Variants in PKHD1 observed in about 807,000 individuals in gnomAD.
PKHD1 encodes the protein fibrocystin.
A neutral mutation model predicts 412.0 loss-of-function variants in PKHD1; 291 were observed. That is an observed-to-expected ratio of 0.71 (90% CI 0.64 to 0.78). The LOEUF is 0.78. Among genes scored for constraint, PKHD1 ranks in the 30% least tolerant of loss-of-function variants. The pLI is 0.00. For synonymous variants in PKHD1, 1,777 were observed against 1,821.5 expected, an observed-to-expected ratio of 0.98 and a Z score of 0.62; for missense variants, 4,825 against 4,950.7, an observed-to-expected ratio of 0.97 and a Z score of 0.76.
intron 35 of PKHD1, among the ~76,000 whole-genome samples, chr6:52,008,463 T>C (rs567366480): frequency 6.6e-6 from 1 of 152,326 alleles, no homozygotes; most frequent in East Asian, 1.9e-4. Context: ...GTAGAGAACC[T>C]TGAACATGGT....
At chr6:51,778,247 C>T (rs1791390055) in intron 53 of PKHD1, among the ~76,000 whole-genome samples, 1 of 152,108 alleles carries the variant, frequency 6.6e-6, no homozygotes, top group African/African-American at 2.4e-5. Flanking sequence ...CTTTGTAAAG[C>T]TTCTCTAAAC....
Position 52,050,139 on chromosome 6 carries a change from A to G in PKHD1, c.2279+18T>C. 6.2e-7 allele frequency: 1 copy of G among 1,612,880 alleles called. No individual in the cohort carries two copies. On this transcript the variant is annotated intron_variant, in intron 22 of 66. Transcript: ENST00000371117. ...CATTCTTAGGAGAAGGGACAGGTGTAAAAAAGCCACTCCTTACCGTGCAGT... is the reference window on the plus strand; with the variant it reads ...CATTCTTAGGAGAAGGGACAGGTGTGAAAAAGCCACTCCTTACCGTGCAGT...
chr6:51,823,686 G>T (rs1766843381), intron 52 of PKHD1, among the ~76,000 whole-genome samples: 1 of 152,080 alleles, frequency 6.6e-6, no homozygotes, highest in Non-Finnish European at 1.5e-5. Flanking sequence ...CTGTCACAGG[G>T]AAAAATGCAC....
At chr6:52,002,214 T>C (rs1398585676) in intron 35 of PKHD1, among the ~76,000 whole-genome samples, 1 of 152,236 alleles carries the variant, frequency 6.6e-6, no homozygotes, top group Non-Finnish European at 1.5e-5. Flanking sequence ...CCTACTATTA[T>C]ACGTTTATAG....
chr6:51,972,148 G>T (rs1369941150), intron 35 of PKHD1, among the ~76,000 whole-genome samples: 1 of 152,176 alleles, frequency 6.6e-6, no homozygotes, highest in African/African-American at 2.4e-5. Flanking sequence ...TGAGAAAAGA[G>T]GATTTTCTTT....
intron 60 of PKHD1, among the ~76,000 whole-genome samples, chr6:51,697,634 C>T (rs894682250): frequency 3.3e-5 from 5 of 152,218 alleles, no homozygotes; most frequent in Non-Finnish European, 5.9e-5. Flanking sequence ...GCAGACATTG[C>T]CAAATGTCCC....
Position 52,025,387 on chromosome 6 carries a change from T to TC in PKHD1, c.4422dup (p.Asn1475GlufsTer31). 6.2e-7 allele frequency: 1 copy of TC among 1,611,868 alleles called. No homozygotes were observed. The highest frequency in any genetic ancestry group is 8.5e-7 in the Non-Finnish European group (1 of 1,178,374). ...TCTTCCCTTATGAAAAGAGTGCAATTCCCCTGACACTCGCTGGTTAGCCCA... is the reference window on the plus strand; with the variant it reads ...TCTTCCCTTATGAAAAGAGTGCAATTCCCCCTGACACTCGCTGGTTAGCCCA... On this transcript the variant is annotated frameshift_variant, in exon 32 of 67. Transcript: ENST00000371117. LOFTEE classifies it high-confidence loss of function.
chr6:51,893,031 C>T (rs7769946), intron 43 of PKHD1, among the ~76,000 whole-genome samples: 13,646 of 152,180 alleles, frequency 0.09, 952 homozygotes, highest in African/African-American at 0.2. Context: ...TCTATATCCA[C>T]GAGCCTTGGG....
intron 60 of PKHD1, chr6:51,722,100 T>C: frequency 1.2e-6 from 2 of 1,609,916 alleles, no homozygotes; most frequent in Non-Finnish European, 8.5e-7. Context: ...CTTCTCGGCA[T>C]GCTTTCCACA....
In PKHD1 at chr6:51,642,839, C is replaced by CA. The variant is rs557161007; in HGVS notation, c.11399-3884dup. The stretch of plus-strand genomic sequence containing the variant: ...TGGGTAACAGAGCCAGGCTCTGCCT[C>CA]AAAAAAAAGTAAGGTATGGACTATA... On this transcript the variant is annotated intron_variant, in intron 63 of 66. Coordinates refer to ENST00000371117, the MANE Select transcript of PKHD1 (RefSeq NM_138694.4). 5.8e-3 allele frequency among the ~76,000 whole-genome samples: 878 copies of CA among 150,558 alleles called. 5 individuals are homozygous for CA. Among genetic ancestry groups the CA allele is most frequent in the African/African-American group, 0.02 (820 of 41,022 alleles).
chr6:52,025,620 G>A lies in PKHD1; in HGVS notation c.4190C>T (p.Ser1397Leu), dbSNP rs778541098. The change falls in exon 32 of 67, where the codon TCG (serine) becomes TTG (leucine). Residue 1397 changes from serine to leucine, a missense_variant. Ser to Leu is a moderately radical substitution (Grantham distance 145). Coordinates refer to ENST00000371117, the MANE Select transcript of PKHD1 (RefSeq NM_138694.4). The part of the protein sequence containing the change: ...VMPRIMAIFP[S>L]QGSACGGTIL... ...GGTCCCACCACATGCCGAACCCTGC[G>A]ATGGGAAGATGGCCATTATCCGAGG... is the stretch of plus-strand genomic sequence containing the variant. The A allele has an allele frequency of 6.8e-6, 11 of 1,613,996 alleles. No homozygotes were observed. The highest frequency in any genetic ancestry group is 2.7e-5 in the African/African-American group (2 of 74,880).
At chr6:51,917,159 G>T (rs139703563) in intron 37 of PKHD1, among the ~76,000 whole-genome samples, 5 of 146,546 alleles carry the variant, frequency 3.4e-5, no homozygotes, top group South Asian at 4.6e-4. Context: ...CATTTAGGGT[G>T]GGGGAGGGAG....
chr6:51,670,258 T>G (rs1173873806), intron 60 of PKHD1, among the ~76,000 whole-genome samples: 1 of 152,222 alleles, frequency 6.6e-6, no homozygotes, highest in East Asian at 1.9e-4. Context: ...ATATTTAGGA[T>G]AGTTAGCTCT....
At chr6:51,720,400 T>C (rs2150819075) in intron 60 of PKHD1, among the ~76,000 whole-genome samples, 1 of 152,332 alleles carries the variant, frequency 6.6e-6, no homozygotes, top group Middle Eastern at 3.4e-3. Context: ...GCTGCTCATT[T>C]GCACGGCACC....
At chr6:51,989,065 T>A (rs189745766) in intron 35 of PKHD1, among the ~76,000 whole-genome samples, 1 of 152,338 alleles carries the variant, frequency 6.6e-6, no homozygotes, top group East Asian at 1.9e-4. Context: ...GGAAGCGATA[T>A]CTTTATATCC....
chr6:51,995,909 C>T (rs1797659087), intron 35 of PKHD1, among the ~76,000 whole-genome samples: 1 of 152,080 alleles, frequency 6.6e-6, no homozygotes, highest in African/African-American at 2.4e-5. Flanking sequence ...GGTTGTCTCT[C>T]AAAACAATCA....
At chr6:51,809,838 C>T (rs957138050) in intron 52 of PKHD1, among the ~76,000 whole-genome samples, 21 of 151,324 alleles carry the variant, frequency 1.4e-4, no homozygotes, top group African/African-American at 5.1e-4. Flanking sequence ...TGTTGCCAGC[C>T]ATTTTACTTA....
intron 48 of PKHD1, among the ~76,000 whole-genome samples, chr6:51,859,689 G>T (rs1773891332): frequency 6.6e-6 from 1 of 152,010 alleles, no homozygotes; most frequent in Non-Finnish European, 1.5e-5. Context: ...CACATTTACA[G>T]ACCAATTTTT....
chr6:51,948,642 G>A (rs1789840351), intron 36 of PKHD1, among the ~76,000 whole-genome samples: 1 of 152,184 alleles, frequency 6.6e-6, no homozygotes. Context: ...CGTGTTAAGT[G>A]ATCACTCAAT....
Sources: gnomAD v4.1 joint callset for allele counts (sites outside exome capture counted in the v4.1 genomes callset) on GRCh38, gnomAD v4.1.1 for gene constraint, MANE v1.5 for transcripts, NCBI Gene and HGNC (gene_info 2026-07-23, HGNC 2026-07-21) for gene names.